DIAPH3: variants seen among roughly 807,000 people sequenced by gnomAD.
The protein encoded by DIAPH3 is protein diaphanous homolog 3.
A neutral mutation model predicts 144.3 loss-of-function variants in DIAPH3; 117 were observed. The ratio of observed to expected loss-of-function variants is 0.81; its 90% confidence interval spans 0.70 to 0.95. The LOEUF (loss-of-function observed/expected upper bound fraction) is 0.95. Among genes scored for constraint, DIAPH3 ranks in the 40% least tolerant of loss-of-function variants. The pLI is 0.00. For synonymous variants in DIAPH3, 519 were observed against 488.9 expected, an observed-to-expected ratio of 1.06 and a Z score of -0.81; for missense variants, 1,421 against 1,412.7, an observed-to-expected ratio of 1.01 and a Z score of -0.09.
In DIAPH3 at chr13:59,708,165, C is replaced by G. The variant is rs141385869; in HGVS notation, c.3320-41319G>C. ...GTAGTCTTGAACTCAGGGGCTCAAG[C>G]GATCCTCCTGCCTCAGCCTCCCAAG... On this transcript the variant is annotated intron_variant, in intron 27 of 27. Transcript: ENST00000400324. 1.3e-3 allele frequency among the ~76,000 whole-genome samples: 191 copies of G among 151,992 alleles called. 1 individual carries two copies. The highest frequency in any genetic ancestry group is 4.4e-3 in the African/African-American group (183 of 41,474).
intron 21 of DIAPH3, among the ~76,000 whole-genome samples, chr13:59,878,871 C>A (rs1041969328): frequency 1.3e-5 from 2 of 151,980 alleles, no homozygotes; most frequent in Admixed American, 6.6e-5. Context: ...ATGTTAATGG[C>A]AATCCTAAGC....
intron 4 of DIAPH3, among the ~76,000 whole-genome samples, chr13:60,070,463 T>C (rs1245919310): frequency 6.6e-6 from 1 of 152,052 alleles, no homozygotes; most frequent in African/African-American, 2.4e-5. Flanking sequence ...AAGTTGATCA[T>C]GTCTATGTTT....
intron 20 of DIAPH3, among the ~76,000 whole-genome samples, chr13:59,896,500 G>A (rs77982607): frequency 0.016 from 2,422 of 151,396 alleles, 55 homozygotes; most frequent in East Asian, 0.095. Context: ...GTATCCTAAA[G>A]CATTATATGA....
intron 1 of DIAPH3, among the ~76,000 whole-genome samples, chr13:60,148,784 C>A (rs1174570632): frequency 3.3e-5 from 5 of 152,124 alleles, no homozygotes; most frequent in African/African-American, 1.2e-4. Context: ...CAGAGCAAGA[C>A]CCTGACTCAA....
chr13:59,930,501 C>T (rs2047971457), intron 17 of DIAPH3, among the ~76,000 whole-genome samples: 1 of 151,962 alleles, frequency 6.6e-6, no homozygotes, highest in Admixed American at 6.6e-5. Context: ...GTGGGAAAGA[C>T]ACAACAATAG....
At chr13:59,739,029 T>C (rs1193156541) in intron 27 of DIAPH3, among the ~76,000 whole-genome samples, 1 of 152,162 alleles carries the variant, frequency 6.6e-6, no homozygotes, top group Admixed American at 6.6e-5. Context: ...ATTAAGAACA[T>C]TTCAGGGCTG....
intron 27 of DIAPH3, among the ~76,000 whole-genome samples, chr13:59,707,650 C>A (rs1012046586): frequency 6.6e-6 from 1 of 151,810 alleles, no homozygotes; most frequent in African/African-American, 2.4e-5. Context: ...CTGTACGATT[C>A]GAAAAAAGCT....
At chr13:59,929,801 C>T (rs893762206) in intron 17 of DIAPH3, among the ~76,000 whole-genome samples, 11 of 151,834 alleles carry the variant, frequency 7.2e-5, no homozygotes, top group South Asian at 4.2e-4. Flanking sequence ...AAACTCCTGA[C>T]CTCAAGTGAT....
chr13:60,046,240 T>C (rs986888902), intron 4 of DIAPH3, among the ~76,000 whole-genome samples: 159 of 152,312 alleles, frequency 1.0e-3, no homozygotes, highest in African/African-American at 3.7e-3. Context: ...AAAATCTTAA[T>C]GCTTTAGTTC....
At chr13:60,142,165 A>G (rs1484221985) in intron 1 of DIAPH3, among the ~76,000 whole-genome samples, 1 of 152,246 alleles carries the variant, frequency 6.6e-6, no homozygotes, top group Non-Finnish European at 1.5e-5. Flanking sequence ...TTGTAAGTAT[A>G]CAAATATAAA....
chr13:59,883,089 A>G (rs1391966006), intron 20 of DIAPH3, among the ~76,000 whole-genome samples: 3 of 152,190 alleles, frequency 2.0e-5, no homozygotes, highest in Non-Finnish European at 4.4e-5. Context: ...TAGAAAAATC[A>G]ATGAACTAAC....
chr13:59,927,044 T>G (rs550992740), intron 17 of DIAPH3, among the ~76,000 whole-genome samples: 4 of 152,350 alleles, frequency 2.6e-5, no homozygotes, highest in African/African-American at 9.6e-5. Context: ...TATATTCTCA[T>G]GCTGAATTGG....
At chr13:59,709,024 T>C (rs987804063) in intron 27 of DIAPH3, among the ~76,000 whole-genome samples, 15 of 152,096 alleles carry the variant, frequency 9.9e-5, no homozygotes, top group Non-Finnish European at 1.9e-4. Flanking sequence ...AGATAACTAC[T>C]TTCAGACACA....
At chr13:59,927,646 T>C (rs144482727) in intron 17 of DIAPH3, among the ~76,000 whole-genome samples, 1 of 152,290 alleles carries the variant, frequency 6.6e-6, no homozygotes, top group African/African-American at 2.4e-5. Context: ...AGAACAGCTA[T>C]ACTGAGTAAA....
chr13:59,676,067 C>T (rs17057003), intron 27 of DIAPH3, among the ~76,000 whole-genome samples: 23,662 of 152,160 alleles, frequency 0.16, 2,185 homozygotes, highest in South Asian at 0.25. Flanking sequence ...ATTTCGAATG[C>T]ACAGGTATTT....
In DIAPH3 at chr13:59,971,050, C is replaced by T. The variant is rs367669099; in HGVS notation, c.1761G>A (p.Val587=). The T allele has an allele frequency of 2.4e-5, 38 of 1,613,344 alleles. No homozygotes were observed. The highest frequency in any genetic ancestry group is 2.0e-4 in the South Asian group (18 of 91,050). ...GTGGTGGGGGAGGAGGTGGAGGCGG[C>T]ACCCCTCCACCAGAAGGCAGTGGAG... is the stretch of plus-strand genomic sequence containing the variant. ...PPPPLPSGGG[V]PPPPPPPPPP... The change falls in exon 16 of 28, where the codon GTG becomes GTA. Residue 587 remains valine (V), a synonymous_variant. Coordinates refer to ENST00000400324, the MANE Select transcript of DIAPH3 (RefSeq NM_001042517.2).
intron 4 of DIAPH3, among the ~76,000 whole-genome samples, chr13:60,052,242 T>C (rs2056379576): frequency 6.6e-6 from 1 of 152,088 alleles, no homozygotes; most frequent in Admixed American, 6.5e-5. Flanking sequence ...GAATTGCCAA[T>C]GGGATTGCAA....
intron 22 of DIAPH3, among the ~76,000 whole-genome samples, chr13:59,845,056 T>C (rs1337639977): frequency 6.6e-6 from 1 of 152,090 alleles, no homozygotes; most frequent in African/African-American, 2.4e-5. Context: ...TTCCTTTTTT[T>C]TCTTTTTGAG....
rs147696071 is a variant in DIAPH3 at position 60,033,271 on chromosome 13, C to T, written c.626+9419G>A. ...TCTCCAAATTCTTCCAACCTCTGCC[C>T]ATCACCCAGTACCAAAGTTCCTTCC... On this transcript the variant is annotated intron_variant, in intron 5 of 27. Coordinates refer to ENST00000400324, the MANE Select transcript of DIAPH3 (RefSeq NM_001042517.2). Among the ~76,000 whole-genome samples, 20 of 152,326 alleles carry T rather than the reference C, an allele frequency of 1.3e-4. No homozygotes were observed. In the East Asian group the frequency reaches 2.5e-3, roughly 19 times the overall value.
Sources: gnomAD v4.1 joint callset for allele counts (sites outside exome capture counted in the v4.1 genomes callset) on GRCh38, gnomAD v4.1.1 for gene constraint, MANE v1.5 for transcripts, NCBI Gene and HGNC (gene_info 2026-07-23, HGNC 2026-07-21) for gene names.